GALNTL6: variants seen among roughly 807,000 people sequenced by gnomAD.
GALNTL6 encodes polypeptide N-acetylgalactosaminyltransferase like 6, also known as polypeptide N-acetylgalactosaminyltransferase-like 6.
A neutral mutation model predicts 73.7 loss-of-function variants in GALNTL6; 46 were observed. The ratio of observed to expected loss-of-function variants is 0.62; its 90% confidence interval spans 0.49 to 0.80. The LOEUF is 0.80. Ranked by LOEUF, GALNTL6 falls within the 30% of genes least tolerant of loss-of-function variation. GALNTL6 has a pLI of 0.00. For missense variants in GALNTL6, 604 were observed against 755.0 expected (o/e 0.80, Z 2.34); for synonymous variants, 259 against 263.7 (o/e 0.98, Z 0.17).
chr4:172,661,098 G>T (rs1731342680), intron 5 of GALNTL6, among the ~76,000 whole-genome samples: 3 of 152,198 alleles, frequency 2.0e-5, no homozygotes, highest in Admixed American at 1.3e-4. Context: ...TGTTTCTGTG[G>T]TGGGGTTTTT....
Position 171,868,971 on chromosome 4 carries a change from G to A in GALNTL6, c.138+54253G>A, listed in dbSNP as rs570471682. 5.6e-4 allele frequency among the ~76,000 whole-genome samples: 85 copies of A among 152,272 alleles called. 2 individuals carry two copies. Among genetic ancestry groups the A allele is most frequent in the African/African-American group, 1.9e-3 (78 of 41,552 alleles). On this transcript the variant is annotated intron_variant, in intron 2 of 12. Coordinates refer to ENST00000506823, the MANE Select transcript of GALNTL6 (RefSeq NM_001034845.3). ...GCTGGGATTACAGGCATGAGCCACCGTGTCTTGCCTCAAAATTCTTTTCTC... is the reference window on the plus strand; with the variant it reads ...GCTGGGATTACAGGCATGAGCCACCATGTCTTGCCTCAAAATTCTTTTCTC...
chr4:171,975,041 T>C (rs1739678264), intron 2 of GALNTL6, among the ~76,000 whole-genome samples: 1 of 152,198 alleles, frequency 6.6e-6, no homozygotes, highest in Non-Finnish European at 1.5e-5. Flanking sequence ...TTGTTTATAT[T>C]CAAACACCGA....
At chr4:172,483,067 T>C (rs992110139) in intron 5 of GALNTL6, among the ~76,000 whole-genome samples, 3 of 152,210 alleles carry the variant, frequency 2.0e-5, no homozygotes, top group Non-Finnish European at 4.4e-5. Context: ...ATATTACATA[T>C]GTGTTTGTGT....
At chr4:172,885,834 T>C (rs982629221) in intron 8 of GALNTL6, among the ~76,000 whole-genome samples, 6 of 152,376 alleles carry the variant, frequency 3.9e-5, no homozygotes, top group East Asian at 1.9e-4. Context: ...TTGTCCTTGA[T>C]TCTCTTGTTG....
intron 3 of GALNTL6, among the ~76,000 whole-genome samples, chr4:172,234,387 G>C (rs1245433176): frequency 6.6e-6 from 1 of 151,996 alleles, no homozygotes; most frequent in East Asian, 1.9e-4. Flanking sequence ...CCTGTCTATT[G>C]TTAGATCAAT....
intron 5 of GALNTL6, chr4:172,667,790 T>C (rs1731752813): frequency 6.6e-6 from 1 of 152,356 alleles, no homozygotes; most frequent in South Asian, 2.1e-4. Flanking sequence ...CTGCAAGTTC[T>C]TATTTTGAAG....
At chr4:172,111,947 T>C in intron 2 of GALNTL6, among the ~76,000 whole-genome samples, 1 of 152,028 alleles carries the variant, frequency 6.6e-6, no homozygotes, top group East Asian at 1.9e-4. Context: ...AAGTCCTTAG[T>C]TCACATTAGG....
rs1050298936 is a variant in GALNTL6 at position 172,648,690 on chromosome 4, T to C, written c.554-160671T>C. 7.9e-5 allele frequency among the ~76,000 whole-genome samples: 12 copies of C among 152,272 alleles called. 1 individual carries two copies. Among genetic ancestry groups the C allele is most frequent in the African/African-American group, 2.9e-4 (12 of 41,574 alleles). On this transcript the variant is annotated intron_variant, in intron 5 of 12. Coordinates refer to ENST00000506823, the MANE Select transcript of GALNTL6 (RefSeq NM_001034845.3). Reference sequence around the variant, plus strand: ...AGGAAGCCAGGTGTAGCTGTAAGCATTGAGAATACCAACTTACACAAAACA... The same window carrying C: ...AGGAAGCCAGGTGTAGCTGTAAGCACTGAGAATACCAACTTACACAAAACA...
chr4:172,941,617 C>T (rs1357408754), intron 9 of GALNTL6, among the ~76,000 whole-genome samples: 1 of 152,186 alleles, frequency 6.6e-6, no homozygotes, highest in Non-Finnish European at 1.5e-5. Flanking sequence ...CCCATTAGAA[C>T]TGACCATTTC....
intron 12 of GALNTL6, among the ~76,000 whole-genome samples, chr4:173,026,096 G>A (rs932145095): frequency 6.6e-6 from 1 of 152,144 alleles, no homozygotes; most frequent in Admixed American, 6.5e-5. Flanking sequence ...CATTTTATTA[G>A]ATTATAGCAT....
intron 2 of GALNTL6, among the ~76,000 whole-genome samples, chr4:171,847,397 G>C (rs1257826334): frequency 6.6e-6 from 1 of 152,160 alleles, no homozygotes; most frequent in Non-Finnish European, 1.5e-5. Context: ...CCTCGATGTT[G>C]ATGGATGCTA....
intron 2 of GALNTL6, among the ~76,000 whole-genome samples, chr4:171,955,600 C>A (rs983486110): frequency 6.6e-6 from 1 of 152,136 alleles, no homozygotes; most frequent in Admixed American, 6.5e-5. Context: ...GATGTAAATT[C>A]TATGTAAATC....
At chr4:172,722,383 A>G (rs554521116) in intron 5 of GALNTL6, among the ~76,000 whole-genome samples, 2 of 152,324 alleles carry the variant, frequency 1.3e-5, no homozygotes, top group East Asian at 3.9e-4. Context: ...AGCTTTATAA[A>G]GCATTGATAA....
At chr4:172,778,111 A>G (rs921857564) in intron 5 of GALNTL6, among the ~76,000 whole-genome samples, 1 of 152,286 alleles carries the variant, frequency 6.6e-6, no homozygotes, top group African/African-American at 2.4e-5. Flanking sequence ...TGTTTCCAAC[A>G]GTAAGTGGCA....
chr4:171,839,229 T>C (rs370990372), intron 2 of GALNTL6, among the ~76,000 whole-genome samples: 1 of 152,148 alleles, frequency 6.6e-6, no homozygotes, highest in South Asian at 2.1e-4. Flanking sequence ...CTGCATGCTA[T>C]TAGTGCTGTT....
intron 4 of GALNTL6, among the ~76,000 whole-genome samples, chr4:172,322,049 C>A (rs1043368385): frequency 6.6e-6 from 1 of 152,100 alleles, no homozygotes; most frequent in Non-Finnish European, 1.5e-5. Flanking sequence ...AAGAGAAGAA[C>A]GCCTCAAGTG....
intron 5 of GALNTL6, among the ~76,000 whole-genome samples, chr4:172,595,681 AT>A (rs35154168): frequency 6.6e-6 from 1 of 151,982 alleles, no homozygotes; most frequent in African/African-American, 2.4e-5. Flanking sequence ...ATGGCAAACT[AT>A]TTTTTTTCCA....
intron 5 of GALNTL6, among the ~76,000 whole-genome samples, chr4:172,613,523 A>G (rs1438901498): frequency 6.6e-6 from 1 of 152,136 alleles, no homozygotes; most frequent in Non-Finnish European, 1.5e-5. Context: ...AGAAAGCCTC[A>G]GAAGATAATT....
intron 5 of GALNTL6, among the ~76,000 whole-genome samples, chr4:172,791,095 G>T (rs1739972306): frequency 6.6e-6 from 1 of 151,994 alleles, no homozygotes; most frequent in African/African-American, 2.4e-5. Context: ...ATGCTGCATT[G>T]GAAGAAAATG....
Sources: allele counts gnomAD v4.1 joint callset (sites outside exome capture counted in the v4.1 genomes callset), GRCh38; gene constraint gnomAD v4.1.1; transcripts MANE v1.5; gene names NCBI Gene and HGNC (gene_info 2026-07-23, HGNC 2026-07-21).